The following CYP2C19 variants were observed in gnomAD, a reference collection of about 807,000 sequenced individuals.
The protein encoded by CYP2C19 is cytochrome P450 family 2 subfamily C member 19.
Under a neutral mutation model 40.9 loss-of-function variants are expected in CYP2C19, and 59 were observed. The observed-to-expected ratio is 1.44, with a 90% CI of 1.17 to 1.79. CYP2C19 has a LOEUF of 1.79. CYP2C19 is among the 40% of genes most tolerant of loss of function. The pLI is 0.00. For missense variants in CYP2C19, 754 were observed against 596.9 expected (o/e 1.26, Z -2.74); for synonymous variants, 253 against 208.7 (o/e 1.21, Z -1.83).
chr10:94,820,839 C>T (rs541379715), intron 6 of CYP2C19, among the ~76,000 whole-genome samples: 1 of 152,282 alleles, frequency 6.6e-6, no homozygotes, highest in African/African-American at 2.4e-5. Context: ...AATCCCAGCC[C>T]TTTGGGAGGC....
chr10:94,767,591 T>C (rs1447105257), intron 1 of CYP2C19, among the ~76,000 whole-genome samples: 1 of 152,196 alleles, frequency 6.6e-6, no homozygotes, highest in African/African-American at 2.4e-5. Flanking sequence ...AGGGGCCCTA[T>C]GATGGACCAA....
intron 5 of CYP2C19, among the ~76,000 whole-genome samples, chr10:94,810,488 G>C (rs777042020): frequency 2.6e-5 from 4 of 152,060 alleles, no homozygotes; most frequent in Admixed American, 6.5e-5. Flanking sequence ...ACCTCTGGTA[G>C]AATTCGGCTG....
intron 5 of CYP2C19, among the ~76,000 whole-genome samples, chr10:94,789,388 C>T (rs890324095): frequency 3.9e-5 from 6 of 151,944 alleles, no homozygotes; most frequent in African/African-American, 1.4e-4. Flanking sequence ...GTTGCCATTA[C>T]TTTTGGTATT....
intron 6 of CYP2C19, among the ~76,000 whole-genome samples, chr10:94,833,572 G>A (rs1849361238): frequency 6.6e-6 from 1 of 152,082 alleles, no homozygotes; most frequent in African/African-American, 2.4e-5. Context: ...TGATAGACTG[G>A]ATTAAGAAAA....
intron 5 of CYP2C19, among the ~76,000 whole-genome samples, chr10:94,794,238 AT>A (rs758156115): frequency 6.6e-6 from 1 of 152,014 alleles, no homozygotes; most frequent in Non-Finnish European, 1.5e-5. Context: ...GAGTGTCCCA[AT>A]TTTCCAGGAA....
At chr10:94,818,783 A>T (rs1036024933) in intron 5 of CYP2C19, among the ~76,000 whole-genome samples, 2 of 150,114 alleles carry the variant, frequency 1.3e-5, no homozygotes, top group Non-Finnish European at 3.0e-5. Context: ...GCTTAAGGAG[A>T]TTTTGGGCTG....
At chr10:94,807,535 C>T (rs144379118) in intron 5 of CYP2C19, among the ~76,000 whole-genome samples, 1 of 152,184 alleles carries the variant, frequency 6.6e-6, no homozygotes, top group Non-Finnish European at 1.5e-5. Context: ...TCTTTCTCTG[C>T]GTCCTCACCA....
rs879700448 is a variant in CYP2C19 at position 94,853,793 on chromosome 10, G to C, written c.*879G>C. 6.6e-6 allele frequency among the ~76,000 whole-genome samples: 1 copy of C among 151,984 alleles called. No individual in the cohort carries two copies. The highest frequency in any genetic ancestry group is 1.5e-5 in the Non-Finnish European group (1 of 67,984). The stretch of plus-strand genomic sequence containing the variant: ...AATCTGCTGACCTCCTGATCTGCCT[G>C]CCTCAGCCTCCCAAAGTGCTGGGAT... On this transcript the variant is annotated 3_prime_UTR_variant, in exon 9 of 9. Coordinates refer to ENST00000371321, the MANE Select transcript of CYP2C19 (RefSeq NM_000769.4).
intron 5 of CYP2C19, among the ~76,000 whole-genome samples, chr10:94,797,126 A>C (rs528824398): frequency 6.6e-6 from 1 of 151,692 alleles, no homozygotes; most frequent in Non-Finnish European, 1.5e-5. Flanking sequence ...TTGGCTGTGC[A>C]TTTGTCATAA....
chr10:94,852,888 T>C lies in CYP2C19; in HGVS notation c.1447T>C (p.Tyr483His). ...VNGFASVPPF[Y>H]QLCFIPV ...TGGATTTGCTTCTGTCCCGCCCTTC[T>C]ATCAGCTGTGCTTCATTCCTGTCTG... is the stretch of plus-strand genomic sequence containing the variant. Residue 483 changes from tyrosine to histidine, a missense_variant, in exon 9 of 9, where the codon TAT becomes CAT. By Grantham distance (83) the Tyr-to-His change is moderately conservative. Transcript: ENST00000371321. The C allele has an allele frequency of 1.2e-6, 2 of 1,614,032 alleles. No individual in the cohort carries two copies. The highest frequency in any genetic ancestry group is 1.7e-6 in the Non-Finnish European group (2 of 1,179,942).
At chr10:94,850,614 T>A (rs891265165) in intron 8 of CYP2C19, among the ~76,000 whole-genome samples, 2 of 152,212 alleles carry the variant, frequency 1.3e-5, no homozygotes, top group African/African-American at 4.8e-5. Flanking sequence ...GGAAAAGCTG[T>A]CTGCTTCTTG....
chr10:94,779,540 A>G (rs369578320), intron 3 of CYP2C19, among the ~76,000 whole-genome samples: 1 of 87,154 alleles, frequency 1.1e-5, no homozygotes, highest in South Asian at 4.8e-4. Flanking sequence ...TTATTAATTT[A>G]CTTTTTTTCC....
intron 7 of CYP2C19, among the ~76,000 whole-genome samples, chr10:94,844,474 A>G (rs1471258254): frequency 6.6e-6 from 1 of 152,158 alleles, no homozygotes; most frequent in Non-Finnish European, 1.5e-5. Context: ...ATTGCCTTCT[A>G]TCACATGGTT....
intron 5 of CYP2C19, among the ~76,000 whole-genome samples, chr10:94,802,003 T>C (rs1848772728): frequency 6.6e-6 from 1 of 152,162 alleles, no homozygotes; most frequent in Admixed American, 6.5e-5. Flanking sequence ...AAGGAGACCT[T>C]AGAGGGTTGC....
intron 5 of CYP2C19, among the ~76,000 whole-genome samples, chr10:94,814,196 G>T (rs1035974507): frequency 6.6e-6 from 1 of 151,526 alleles, no homozygotes; most frequent in South Asian, 2.1e-4. Flanking sequence ...CATTGATCTC[G>T]CTGGGAGCTG....
At chr10:94,768,673 T>C (rs57957726) in intron 1 of CYP2C19, among the ~76,000 whole-genome samples, 11,813 of 151,618 alleles carry the variant, frequency 0.078, 532 homozygotes, top group South Asian at 0.12. Context: ...AAGACAGCCA[T>C]CACCACAACT....
intron 5 of CYP2C19, among the ~76,000 whole-genome samples, chr10:94,815,860 G>A (rs538810077): frequency 6.6e-6 from 1 of 152,054 alleles, no homozygotes; most frequent in African/African-American, 2.4e-5. Flanking sequence ...GAATCTGCAG[G>A]CAATATTGAG....
At chr10:94,785,799 A>C (rs1294291204) in intron 5 of CYP2C19, among the ~76,000 whole-genome samples, 2 of 152,116 alleles carry the variant, frequency 1.3e-5, no homozygotes, top group East Asian at 3.8e-4. Context: ...ACCTGTGACT[A>C]GGCATGTTCA....
intron 1 of CYP2C19, among the ~76,000 whole-genome samples, chr10:94,764,245 C>G (rs941697788): frequency 1.3e-5 from 2 of 152,134 alleles, no homozygotes; most frequent in African/African-American, 4.8e-5. Context: ...TATTTGGCCC[C>G]ACCCATGTCC....
Sources: gnomAD v4.1 joint callset for allele counts (sites outside exome capture counted in the v4.1 genomes callset) on GRCh38, gnomAD v4.1.1 for gene constraint, MANE v1.5 for transcripts, NCBI Gene and HGNC (gene_info 2026-07-23, HGNC 2026-07-21) for gene names.